Variants in OCA2 observed in about 807,000 individuals in gnomAD.
The protein encoded by OCA2 is P protein.
A neutral mutation model predicts 100.2 loss-of-function variants in OCA2; 77 were observed. The observed-to-expected ratio is 0.77, with a 90% confidence interval of 0.64 to 0.93. OCA2 has a LOEUF of 0.93. Among genes scored for constraint, OCA2 ranks in the 40% least tolerant of loss-of-function variants. The probability of loss-of-function intolerance (pLI) is 0.00; values close to 1 mark genes in which losing one functional copy is unlikely to be tolerated. For missense variants in OCA2, 1,062 were observed against 1,089.1 expected, an observed-to-expected ratio of 0.98 and a Z score of 0.35; for synonymous variants, 432 against 439.2, an observed-to-expected ratio of 0.98 and a Z score of 0.21.
intron 18 of OCA2, among the ~76,000 whole-genome samples, chr15:27,945,908 C>T (rs2039815869): frequency 6.6e-6 from 1 of 152,222 alleles, no homozygotes; most frequent in African/African-American, 2.4e-5. Flanking sequence ...ATTCTTTTCA[C>T]AGGTTCATAA....
chr15:27,896,132 T>G, intron 19 of OCA2: 1 of 1,012,154 alleles, frequency 9.9e-7, no homozygotes, highest in Non-Finnish European at 1.5e-6. Context: ...GCTATATGGA[T>G]GCAGGCCTTG....
intron 2 of OCA2, among the ~76,000 whole-genome samples, chr15:28,053,963 C>A (rs1372656891): frequency 6.6e-6 from 1 of 152,020 alleles, no homozygotes. Flanking sequence ...TCATGAGGGT[C>A]CAGAGTAACA....
intron 16 of OCA2, 92 bp from the exon 17 acceptor site, chr15:27,955,307 G>A (rs986457559): frequency 3.1e-5 from 29 of 938,842 alleles, no homozygotes; most frequent in African/African-American, 1.5e-4. Flanking sequence ...GTGCCTGGAC[G>A]CGGTCTGTGA....
intron 1 of OCA2, among the ~76,000 whole-genome samples, chr15:28,094,278 C>G (rs534774039): frequency 6.6e-6 from 1 of 152,302 alleles, no homozygotes; most frequent in African/African-American, 2.4e-5. Context: ...TGCACTCTCA[C>G]GGGAACCACA....
rs867374194 is a variant in OCA2, at chr15:28,070,480, G to A, written c.227+11168C>T. Among the ~76,000 whole-genome samples, 628 of 125,860 alleles carry A rather than the reference G, an allele frequency of 5.0e-3. 26 individuals are homozygous for A. The highest frequency in any genetic ancestry group is 6.7e-3 in the Non-Finnish European group (433 of 64,546). 82.6% of individuals were successfully genotyped at this position (125,860 alleles called of 152,430 possible). ...CCCACCCGGCCAGCCGCCCAGTCCGGGAGGGAGGTGGGGGGGTCAGCCCCC... is the reference window on the plus strand; with the variant it reads ...CCCACCCGGCCAGCCGCCCAGTCCGAGAGGGAGGTGGGGGGGTCAGCCCCC... On this transcript the variant is annotated intron_variant, in intron 2 of 23. Transcript: ENST00000354638.
chr15:27,942,939 GA>G (rs1223593295), intron 18 of OCA2, among the ~76,000 whole-genome samples: 2 of 152,124 alleles, frequency 1.3e-5, no homozygotes, highest in African/African-American at 2.4e-5. Context: ...ATGAAAATTA[GA>G]ATAGAGCCAT....
At chr15:27,855,118 A>G (rs944272709) in intron 21 of OCA2, among the ~76,000 whole-genome samples, 28 of 152,210 alleles carry the variant, frequency 1.8e-4, no homozygotes, top group African/African-American at 5.8e-4. Flanking sequence ...GGGATTTGCA[A>G]TTCTGATAAG....
intron 23 of OCA2, among the ~76,000 whole-genome samples, chr15:27,808,023 A>T (rs1427118930): frequency 6.6e-6 from 1 of 152,220 alleles, no homozygotes; most frequent in Non-Finnish European, 1.5e-5. Context: ...TGTGTTGCAG[A>T]CACAGGTGCC....
chr15:27,894,920 C>T (rs189350256), intron 19 of OCA2, among the ~76,000 whole-genome samples: 2 of 152,328 alleles, frequency 1.3e-5, no homozygotes, highest in East Asian at 3.9e-4. Context: ...GATGATGTAA[C>T]TCTCACCTTT....
In OCA2 at chr15:28,043,997, T is replaced by C. The variant is rs2043276654; in HGVS notation, c.228-11834A>G. Among the ~76,000 whole-genome samples, 1 of 152,184 alleles carries C rather than the reference T, an allele frequency of 6.6e-6. No individual in the cohort carries two copies. The highest frequency in any genetic ancestry group is 2.4e-5 in the African/African-American group (1 of 41,450). ...TCCTGGAAAGGAAAACATTGAGCAATGTCAACAGGAACACAGATGGGCAGA... is the reference window on the plus strand; with the variant it reads ...TCCTGGAAAGGAAAACATTGAGCAACGTCAACAGGAACACAGATGGGCAGA... On this transcript the variant is annotated intron_variant, in intron 2 of 23. Transcript: ENST00000354638. This position sits in a 1 kb window ranked among gnomAD's most constrained non-coding sequence, Gnocchi z 4.4.
chr15:28,059,574 A>G (rs2043808858), intron 2 of OCA2, among the ~76,000 whole-genome samples: 1 of 152,216 alleles, frequency 6.6e-6, no homozygotes, highest in Non-Finnish European at 1.5e-5. Context: ...TCATCATCAT[A>G]AGACAAATCT....
At position 27,983,289 on chromosome 15, in the gene OCA2, C is replaced by T. The variant is rs561086040; in HGVS notation, c.1503+56G>A. On this transcript the variant is annotated intron_variant, in intron 14 of 23. Coordinates refer to ENST00000354638, the MANE Select transcript of OCA2 (RefSeq NM_000275.3). ...AAAGGCGTCCATGTGGGGTAGAGCT[C>T]TAACTAAGTGGAGGTGTGCGTTTAC... 3.1e-6 allele frequency: 5 copies of T among 1,609,718 alleles called. 1 individual carries two copies. The South Asian group carries it at 3.3e-5, about 11-fold the overall frequency.
chr15:27,742,288 C>T, the OCA2 span, among the ~76,000 whole-genome samples: 2 of 152,170 alleles, frequency 1.3e-5, no homozygotes, highest in African/African-American at 4.8e-5. Context: ...AAACATCATT[C>T]CCCAGTGCTC....
chr15:28,095,325 C>A (rs534803080), intron 1 of OCA2, among the ~76,000 whole-genome samples: 8 of 152,208 alleles, frequency 5.3e-5, no homozygotes, highest in Middle Eastern at 3.2e-3. Context: ...GCCCTCCCAC[C>A]CCGCCCCTGT....
At chr15:27,774,560 C>A in intron 23 of OCA2, among the ~76,000 whole-genome samples, 1 of 152,236 alleles carries the variant, frequency 6.6e-6, no homozygotes, top group South Asian at 2.1e-4. Context: ...ATTTCAGCCA[C>A]TGAAGCACAT....
intron 2 of OCA2, among the ~76,000 whole-genome samples, chr15:28,070,901 C>T (rs1789746273): frequency 6.9e-6 from 1 of 144,630 alleles, no homozygotes; most frequent in South Asian, 2.3e-4. Context: ...GCTGTGTCCA[C>T]TCAGGGTTAA....
At chr15:28,060,977 A>G (rs900944291) in intron 2 of OCA2, among the ~76,000 whole-genome samples, 4 of 152,260 alleles carry the variant, frequency 2.6e-5, no homozygotes, top group Non-Finnish European at 5.9e-5. Flanking sequence ...TGCCACAAAC[A>G]ATGAGCAGCA....
At chr15:28,082,698 C>T (rs1297446715) in intron 1 of OCA2, among the ~76,000 whole-genome samples, 1 of 152,096 alleles carries the variant, frequency 6.6e-6, no homozygotes. Context: ...ACAACAGAGG[C>T]CCAAAAGACA....
intron 23 of OCA2, among the ~76,000 whole-genome samples, chr15:27,805,862 G>A (rs185841607): frequency 6.6e-6 from 1 of 152,128 alleles, no homozygotes; most frequent in African/African-American, 2.4e-5. Context: ...CGCCCGGGGC[G>A]TGGGATTCAA....
Sources: allele counts gnomAD v4.1 joint callset (sites outside exome capture counted in the v4.1 genomes callset), GRCh38; gene constraint gnomAD v4.1.1; non-coding constraint Gnocchi (gnomAD v3.1); transcripts MANE v1.5; gene names NCBI Gene and HGNC (gene_info 2026-07-23, HGNC 2026-07-21).